TNRC6B: variants seen among roughly 807,000 people sequenced by gnomAD.
The protein encoded by TNRC6B is trinucleotide repeat containing adaptor 6B.
TNRC6B carries 52 observed loss-of-function variants against 203.6 expected under a neutral mutation model. That is an observed-to-expected ratio of 0.26 (90% CI 0.20 to 0.32). The LOEUF is 0.32. TNRC6B is among the 10% of genes least tolerant of loss of function. TNRC6B has a pLI of 1.00. For synonymous variants in TNRC6B, 838 were observed against 845.7 expected, an observed-to-expected ratio of 0.99 and a Z score of 0.16; for missense variants, 1,923 against 2,286.2, an observed-to-expected ratio of 0.84 and a Z score of 3.24.
chr22:40,239,946 T>C (rs1000312980), intron 1 of TNRC6B, among the ~76,000 whole-genome samples: 2 of 152,084 alleles, frequency 1.3e-5, no homozygotes, highest in Non-Finnish European at 2.9e-5. Context: ...CAAATGACTC[T>C]CCTGCCTCAG....
chr22:40,107,868 G>A (rs150731157), intron 1 of TNRC6B, among the ~76,000 whole-genome samples: 67 of 151,340 alleles, frequency 4.4e-4, no homozygotes, highest in Middle Eastern at 3.4e-3. Flanking sequence ...CATCCAGAAT[G>A]CTTTTAGTTT....
chr22:40,061,483 A>G (rs573016310), intron 1 of TNRC6B, among the ~76,000 whole-genome samples: 1 of 151,840 alleles, frequency 6.6e-6, no homozygotes, highest in African/African-American at 2.4e-5. Flanking sequence ...TCGGCCTTCC[A>G]AAGTGCTAGG....
At chr22:40,307,975 G>A (rs2071113718) in intron 15 of TNRC6B, among the ~76,000 whole-genome samples, 1 of 152,058 alleles carries the variant, frequency 6.6e-6, no homozygotes, top group African/African-American at 2.4e-5. Context: ...TCATCCCAGA[G>A]TTAGCTAACC....
intron 1 of TNRC6B, among the ~76,000 whole-genome samples, chr22:40,180,191 A>T (rs774292452): frequency 6.6e-6 from 1 of 152,138 alleles, no homozygotes; most frequent in Non-Finnish European, 1.5e-5. Context: ...ATCAGCTCTG[A>T]TTTTTGTTGC....
At chr22:40,269,984 C>A in intron 5 of TNRC6B, 138 bp from the exon 6 acceptor site, 1 of 785,744 alleles carries the variant, frequency 1.3e-6, no homozygotes, top group East Asian at 3.3e-5. Context: ...TGCCAAATAC[C>A]CCTCACATGA....
At chr22:40,240,883 C>T (rs984102473) in intron 1 of TNRC6B, among the ~76,000 whole-genome samples, 4 of 152,090 alleles carry the variant, frequency 2.6e-5, no homozygotes, top group African/African-American at 9.7e-5. Context: ...AGTGCAGTGG[C>T]ATGATTATGA....
At chr22:40,155,393 A>G (rs1001752071) in intron 3 of TNRC6B, among the ~76,000 whole-genome samples, 2 of 152,100 alleles carry the variant, frequency 1.3e-5, no homozygotes, top group Non-Finnish European at 2.9e-5. Flanking sequence ...GGTTCAAGCA[A>G]TTCTTCTGTC....
At chr22:40,089,844 G>C (rs567197929) in intron 1 of TNRC6B, among the ~76,000 whole-genome samples, 2 of 152,218 alleles carry the variant, frequency 1.3e-5, no homozygotes, top group African/African-American at 4.8e-5. Flanking sequence ...GCTCCACCTA[G>C]TCATCCCTCC....
intron 12 of TNRC6B, among the ~76,000 whole-genome samples, chr22:40,291,678 A>G (rs2070871042): frequency 6.6e-6 from 1 of 152,088 alleles, no homozygotes; most frequent in Non-Finnish European, 1.5e-5. Flanking sequence ...CCCTTCCCCC[A>G]CTGTTGAGTA....
intron 1 of TNRC6B, among the ~76,000 whole-genome samples, chr22:40,232,887 C>T (rs1445752050): frequency 6.6e-6 from 1 of 152,152 alleles, no homozygotes; most frequent in Non-Finnish European, 1.5e-5. Flanking sequence ...CGCGATGGCT[C>T]ACGCCTGTAA....
At chr22:40,312,787 G>A in intron 18 of TNRC6B, 115 bp from the exon 19 acceptor site, 1 of 1,471,458 alleles carries the variant, frequency 6.8e-7, no homozygotes, top group Non-Finnish European at 9.4e-7. Flanking sequence ...ACTTTTATTT[G>A]TTAGACATAT....
rs1264783251 is a variant in TNRC6B at position 40,335,510 on chromosome 22, A to C, written c.*12269A>C. ...AAAAAAAAAGTATCAAAAACAAAAA[A>C]AACTAAAGGGTGGTGTTTTATTGGA... On this transcript the variant is annotated 3_prime_UTR_variant, in exon 23 of 23. Transcript: ENST00000454349. 1 of 151,696 alleles carries C rather than the reference A, an allele frequency of 6.6e-6. No homozygotes were observed. Among genetic ancestry groups the C allele is most frequent in the East Asian group, 1.9e-4 (1 of 5,190 alleles). The allele number at this position is 151,696 out of a possible 1,614,324, so 9.4% of individuals were successfully genotyped here. A position where few individuals can be genotyped will look rare whatever the true frequency, so the allele number is the denominator to read the frequency against.
chr22:40,059,153 G>T (rs2067826560), intron 1 of TNRC6B, among the ~76,000 whole-genome samples: 1 of 152,076 alleles, frequency 6.6e-6, no homozygotes, highest in Non-Finnish European at 1.5e-5. Context: ...GCTCTATAAA[G>T]GTTTGACTTA....
intron 12 of TNRC6B, among the ~76,000 whole-genome samples, chr22:40,286,978 A>T (rs2070793069): frequency 6.6e-6 from 1 of 152,108 alleles, no homozygotes; most frequent in Admixed American, 6.5e-5. Flanking sequence ...GCAGGTTGTA[A>T]AGGTTCAGTT....
chr22:40,200,227 CA>C (rs1334881750), intron 1 of TNRC6B, among the ~76,000 whole-genome samples: 1 of 145,610 alleles, frequency 6.9e-6, no homozygotes, highest in Admixed American at 6.9e-5. Context: ...TGCAAATTTA[CA>C]TAAGTTTGAG....
chr22:40,224,530 C>A (rs1055033787), intron 1 of TNRC6B, among the ~76,000 whole-genome samples: 28 of 152,136 alleles, frequency 1.8e-4, no homozygotes, highest in Non-Finnish European at 5.9e-5. Flanking sequence ...GCAACAATGA[C>A]CTTGGTGGAT....
In TNRC6B at chr22:40,301,153, G is replaced by T; in HGVS notation, c.3940G>T (p.Ala1314Ser). Reference protein sequence around the residue: ...AVRQQQEQQLARMVSALQQQQ... With the variant: ...AVRQQQEQQLSRMVSALQQQQ... The stretch of plus-strand genomic sequence containing the variant: ...GTCTGTCTCTCTTGGCCCTCAGCTG[G>T]CTCGAATGGTGAGTGCACTGCAGCA... Residue 1314 changes from alanine to serine, a missense_variant, in exon 15 of 23, where the codon GCT becomes TCT. Around this residue, in one of 8 missense-constraint regions of TNRC6B, gnomAD observed 242 missense variants for 399.5 expected, o/e 0.61. Coordinates refer to ENST00000454349, the MANE Select transcript of TNRC6B (RefSeq NM_001162501.2). The T allele has an allele frequency of 6.4e-7, 1 of 1,551,194 alleles. No homozygotes were observed. The highest frequency in any genetic ancestry group is 8.7e-7 in the Non-Finnish European group (1 of 1,147,348).
intron 1 of TNRC6B, among the ~76,000 whole-genome samples, chr22:40,060,362 A>G (rs928527973): frequency 1.3e-5 from 2 of 152,118 alleles, no homozygotes; most frequent in African/African-American, 4.8e-5. Context: ...TAAATTTATT[A>G]GCGACAGGGT....
intron 1 of TNRC6B, among the ~76,000 whole-genome samples, chr22:40,220,936 G>T (rs1001490381): frequency 2.6e-5 from 4 of 152,204 alleles, no homozygotes; most frequent in Non-Finnish European, 4.4e-5. Flanking sequence ...GCCGGCATGT[G>T]GGGGAGAGCT....
Sources: gnomAD v4.1 joint callset for allele counts (sites outside exome capture counted in the v4.1 genomes callset) on GRCh38, gnomAD v4.1.1 for gene constraint, gnomAD v4.1.1 regional missense constraint, MANE v1.5 for transcripts, NCBI Gene and HGNC (gene_info 2026-07-23, HGNC 2026-07-21) for gene names.